HTR7: variants seen among roughly 807,000 people sequenced by gnomAD.
The protein encoded by HTR7 is 5-hydroxytryptamine receptor 7, also known as 5-HT-7.
In HTR7, 16 loss-of-function variants were observed where a neutral mutation model predicts 34.0. The ratio of observed to expected loss-of-function variants is 0.47; its 90% confidence interval spans 0.32 to 0.71. The LOEUF (loss-of-function observed/expected upper bound fraction) is 0.71. Ranked by LOEUF, HTR7 falls within the 30% of genes least tolerant of loss-of-function variation. The probability of loss-of-function intolerance (pLI) is 0.04; values close to 1 mark genes in which losing one functional copy is unlikely to be tolerated. For missense variants in HTR7, 504 were observed against 625.5 expected, an observed-to-expected ratio of 0.81 and a Z score of 2.07; for synonymous variants, 265 against 260.2, an observed-to-expected ratio of 1.02 and a Z score of -0.18.
At chr10:90,773,595 C>T (rs558198513) in intron 1 of HTR7, among the ~76,000 whole-genome samples, 1 of 152,054 alleles carries the variant, frequency 6.6e-6, no homozygotes, top group Non-Finnish European at 1.5e-5. Context: ...ATCATCCTCA[C>T]CTGCTCTCCA....
chr10:90,846,163 A>G (rs948577684), intron 1 of HTR7, among the ~76,000 whole-genome samples: 1 of 152,210 alleles, frequency 6.6e-6, no homozygotes, highest in Admixed American at 6.5e-5. Context: ...CTAAGTCTAA[A>G]CACAAAATTC....
intron 1 of HTR7, among the ~76,000 whole-genome samples, chr10:90,848,424 T>C (rs921258953): frequency 7.9e-5 from 12 of 152,210 alleles, no homozygotes; most frequent in Non-Finnish European, 1.3e-4. Flanking sequence ...TTACCACTTA[T>C]GTACGTCCCT....
At chr10:90,846,891 T>C (rs571092341) in intron 1 of HTR7, among the ~76,000 whole-genome samples, 1 of 151,992 alleles carries the variant, frequency 6.6e-6, no homozygotes, top group Admixed American at 6.5e-5. Flanking sequence ...CTGCAAGGGG[T>C]GAAGGGTTAT....
intron 1 of HTR7, among the ~76,000 whole-genome samples, chr10:90,832,578 C>A (rs912504445): frequency 6.6e-6 from 1 of 152,216 alleles, no homozygotes; most frequent in Admixed American, 6.5e-5. Context: ...TTCCCACAAG[C>A]TGAGGGAGCT....
intron 1 of HTR7, among the ~76,000 whole-genome samples, chr10:90,842,305 GT>G (rs1846341231): frequency 6.6e-6 from 1 of 152,186 alleles, no homozygotes; most frequent in Non-Finnish European, 1.5e-5. Context: ...GAACTTGACT[GT>G]GCCTTGATCT....
At chr10:90,833,752 C>T (rs944873918) in intron 1 of HTR7, among the ~76,000 whole-genome samples, 17 of 152,032 alleles carry the variant, frequency 1.1e-4, no homozygotes, top group Admixed American at 1.1e-3. Context: ...TGATTTATCA[C>T]CTTAGACAAG....
intron 3 of HTR7, among the ~76,000 whole-genome samples, 164 bp from the exon 4 acceptor site, chr10:90,742,692 T>C (rs1844572568): frequency 6.6e-6 from 1 of 152,212 alleles, no homozygotes; most frequent in African/African-American, 2.4e-5. Context: ...AAAAGTGTTG[T>C]GACTCTTTTC....
chr10:90,820,908 C>T (rs1180515085), intron 1 of HTR7, among the ~76,000 whole-genome samples: 3 of 152,108 alleles, frequency 2.0e-5, no homozygotes, highest in Non-Finnish European at 2.9e-5. Flanking sequence ...TTTTTAAAAA[C>T]TTAACCATCA....
chr10:90,803,735 G>T (rs774992557), intron 1 of HTR7, among the ~76,000 whole-genome samples: 5 of 152,140 alleles, frequency 3.3e-5, no homozygotes, highest in Non-Finnish European at 7.3e-5. Flanking sequence ...CCTACCTACT[G>T]TAACAATTCT....
intron 1 of HTR7, among the ~76,000 whole-genome samples, chr10:90,784,749 A>G (rs1845357297): frequency 6.6e-6 from 1 of 152,228 alleles, no homozygotes; most frequent in African/African-American, 2.4e-5. Flanking sequence ...TCTCTAAGAC[A>G]GGCAGTCGGG....
chr10:90,834,364 T>G (rs12259401), intron 1 of HTR7, among the ~76,000 whole-genome samples: 57,577 of 150,082 alleles, frequency 0.38, 11,972 homozygotes, highest in African/African-American at 0.57. Flanking sequence ...TCTGAATACA[T>G]AAATATGGGA....
intron 1 of HTR7, among the ~76,000 whole-genome samples, chr10:90,831,378 C>G (rs976224921): frequency 1.3e-5 from 2 of 151,402 alleles, no homozygotes; most frequent in African/African-American, 4.9e-5. Flanking sequence ...TGTTACAGCT[C>G]AAGCCGGCAC....
At chr10:90,770,594 C>T (rs936964473) in intron 1 of HTR7, among the ~76,000 whole-genome samples, 2 of 152,306 alleles carry the variant, frequency 1.3e-5, no homozygotes, top group Middle Eastern at 3.4e-3. Flanking sequence ...GGGCCGAGCC[C>T]GGGCACTGTC....
chr10:90,832,133 G>C (rs1428188973), intron 1 of HTR7, among the ~76,000 whole-genome samples: 3 of 152,226 alleles, frequency 2.0e-5, no homozygotes, highest in African/African-American at 7.2e-5. Flanking sequence ...CTGGCACTGG[G>C]GCTGCAGGTG....
chr10:90,789,660 T>C (rs762942289), intron 1 of HTR7, among the ~76,000 whole-genome samples: 1 of 152,166 alleles, frequency 6.6e-6, no homozygotes, highest in Non-Finnish European at 1.5e-5. Flanking sequence ...CCTTTCGTGA[T>C]TGCATAAAAT....
At chr10:90,839,251 A>G (rs749090085) in intron 1 of HTR7, among the ~76,000 whole-genome samples, 2 of 152,236 alleles carry the variant, frequency 1.3e-5, no homozygotes, top group Non-Finnish European at 1.5e-5. Context: ...AAAGACTTCT[A>G]CTGAAAATAG....
chr10:90,847,859 A>G (rs1165048458), intron 1 of HTR7, among the ~76,000 whole-genome samples: 1 of 152,240 alleles, frequency 6.6e-6, no homozygotes. Flanking sequence ...GAGATGTATC[A>G]AATACATACT....
rs1306736994 is a variant in HTR7 at position 90,771,996 on chromosome 10, G to GA, written c.540-22403dup. Reference sequence around the variant, plus strand: ...TTTTTTAAAATAACTTTTTTTTTAGGAAAAAAATCCCTTTTGGTCAGAACT... The same window carrying GA: ...TTTTTTAAAATAACTTTTTTTTTAGGAAAAAAAATCCCTTTTGGTCAGAACT... On this transcript the variant is annotated intron_variant, in intron 1 of 3. Transcript: ENST00000336152. 7.3e-4 allele frequency among the ~76,000 whole-genome samples: 110 copies of GA among 151,716 alleles called. 3 individuals carry two copies. The highest frequency in any genetic ancestry group is 1.6e-4 in the Non-Finnish European group (11 of 67,904).
intron 1 of HTR7, among the ~76,000 whole-genome samples, chr10:90,758,051 C>G (rs1301606171): frequency 1.3e-5 from 2 of 152,008 alleles, no homozygotes; most frequent in African/African-American, 4.8e-5. Flanking sequence ...AGAATAGAAA[C>G]AGACAGACAC....
Sources: gnomAD v4.1 joint callset for allele counts (sites outside exome capture counted in the v4.1 genomes callset) on GRCh38, gnomAD v4.1.1 for gene constraint, MANE v1.5 for transcripts, NCBI Gene and HGNC (gene_info 2026-07-23, HGNC 2026-07-21) for gene names.